The following KIAA1328 variants were observed in gnomAD, a reference collection of about 807,000 sequenced individuals.
KIAA1328 encodes protein hinderin.
A neutral mutation model predicts 68.1 loss-of-function variants in KIAA1328; 52 were observed. The ratio of observed to expected loss-of-function variants is 0.76; its 90% CI spans 0.61 to 0.96. The LOEUF is 0.96. KIAA1328 is among the 40% of genes least tolerant of loss of function. The probability of loss-of-function intolerance (pLI) is 0.00; values close to 1 mark genes in which losing one functional copy is unlikely to be tolerated. For missense variants in KIAA1328, 641 were observed against 677.6 expected, an observed-to-expected ratio of 0.95 and a Z score of 0.60; for synonymous variants, 232 against 239.4, an observed-to-expected ratio of 0.97 and a Z score of 0.28.
chr18:36,873,779 G>T (rs545260459), intron 4 of KIAA1328, among the ~76,000 whole-genome samples: 1 of 152,244 alleles, frequency 6.6e-6, no homozygotes, highest in Admixed American at 6.5e-5. Flanking sequence ...GTGGTGGTTT[G>T]CTGCACCCAT....
intron 5 of KIAA1328, among the ~76,000 whole-genome samples, chr18:36,934,523 AT>A (rs35421239): frequency 0.6 from 90,208 of 151,400 alleles, 28,685 homozygotes; most frequent in East Asian, 0.87. Context: ...ATGTGTTCTC[AT>A]TGTTCAATTC....
chr18:37,092,496 A>T (rs888566544), intron 7 of KIAA1328, among the ~76,000 whole-genome samples: 1 of 151,668 alleles, frequency 6.6e-6, no homozygotes, highest in Non-Finnish European at 1.5e-5. Flanking sequence ...GAGCCACCCC[A>T]CCTGCCACGA....
chr18:37,084,153 A>G, intron 7 of KIAA1328: 21 of 1,514,308 alleles, frequency 1.4e-5, no homozygotes, highest in Non-Finnish European at 1.8e-5. Context: ...GTTTAAGTCG[A>G]GAGAACTGGT....
chr18:37,155,730 A>G (rs1025953541), intron 7 of KIAA1328, among the ~76,000 whole-genome samples: 1 of 152,152 alleles, frequency 6.6e-6, no homozygotes, highest in Non-Finnish European at 1.5e-5. Flanking sequence ...GCCCCTCAGC[A>G]TGGAAAACGC....
intron 7 of KIAA1328, among the ~76,000 whole-genome samples, chr18:37,158,912 G>A (rs1299616723): frequency 1.3e-5 from 2 of 152,006 alleles, no homozygotes; most frequent in Non-Finnish European, 2.9e-5. Context: ...CCTCTGGGTT[G>A]ACGTAAATTT....
intron 5 of KIAA1328, among the ~76,000 whole-genome samples, chr18:36,952,638 C>A (rs2051208479): frequency 6.6e-6 from 1 of 152,162 alleles, no homozygotes; most frequent in South Asian, 2.1e-4. Flanking sequence ...TATGCGTTTA[C>A]TGAATCCACA....
At chr18:37,135,462 G>T (rs1344308040) in intron 7 of KIAA1328, among the ~76,000 whole-genome samples, 1 of 152,082 alleles carries the variant, frequency 6.6e-6, no homozygotes, top group Non-Finnish European at 1.5e-5. Flanking sequence ...GTGATACTGA[G>T]CATTTTTTCA....
chr18:36,965,477 C>G (rs1218292204), intron 6 of KIAA1328, among the ~76,000 whole-genome samples: 4 of 140,166 alleles, frequency 2.9e-5, no homozygotes, highest in African/African-American at 5.2e-5. Context: ...AACCCTGTCT[C>G]TACTAAAAAT....
At chr18:37,027,915 A>G (rs2054656124) in intron 6 of KIAA1328, among the ~76,000 whole-genome samples, 1 of 152,190 alleles carries the variant, frequency 6.6e-6, no homozygotes, top group Non-Finnish European at 1.5e-5. Context: ...AGAAACTACC[A>G]TCAGAGTGAA....
At chr18:36,934,181 A>C (rs999927286) in intron 5 of KIAA1328, among the ~76,000 whole-genome samples, 1 of 152,044 alleles carries the variant, frequency 6.6e-6, no homozygotes. Context: ...AGCATCTGAC[A>C]ACCCTGTGCA....
chr18:36,837,891 A>G (rs1411463943), intron 3 of KIAA1328, among the ~76,000 whole-genome samples: 3 of 152,138 alleles, frequency 2.0e-5, no homozygotes, highest in Non-Finnish European at 4.4e-5. Flanking sequence ...TCTGTTGACC[A>G]TAAGTGTAAG....
intron 6 of KIAA1328, among the ~76,000 whole-genome samples, chr18:36,971,277 A>G (rs543449955): frequency 2.0e-4 from 31 of 152,226 alleles, no homozygotes; most frequent in Non-Finnish European, 3.8e-4. Context: ...CCTTCCTTGC[A>G]CCTTATACAA....
chr18:37,134,264 G>C (rs1035344481), intron 7 of KIAA1328, among the ~76,000 whole-genome samples: 3 of 152,120 alleles, frequency 2.0e-5, no homozygotes, highest in Admixed American at 2.0e-4. Flanking sequence ...GCCATCCTCA[G>C]CCTCCTAAAG....
chr18:37,220,510 T>A (rs1459798690), intron 9 of KIAA1328, among the ~76,000 whole-genome samples: 1 of 152,232 alleles, frequency 6.6e-6, no homozygotes, highest in Non-Finnish European at 1.5e-5. Context: ...TAGCAGTTTT[T>A]AAAACCAGAG....
chr18:37,194,722 G>A (rs990181676), intron 9 of KIAA1328, among the ~76,000 whole-genome samples: 12 of 152,124 alleles, frequency 7.9e-5, no homozygotes, highest in Admixed American at 2.6e-4. Context: ...GTGCAGTGGC[G>A]GGATCTCGGC....
chr18:36,919,383 G>A (rs1348820453), intron 5 of KIAA1328, among the ~76,000 whole-genome samples: 10 of 152,034 alleles, frequency 6.6e-5, no homozygotes, highest in Non-Finnish European at 1.2e-4. Context: ...ATGGGGGTTG[G>A]TCTTGCTTTT....
chr18:37,222,447 T>C lies in KIAA1328; in HGVS notation c.*220T>C. The C allele has an allele frequency of 7.2e-7, 1 of 1,391,352 alleles. No individual in the cohort carries two copies. Among genetic ancestry groups the C allele is most frequent in the Non-Finnish European group, 9.3e-7 (1 of 1,074,608 alleles). The allele number at this position is 1,391,352 out of a possible 1,614,324, so 86.2% of individuals were successfully genotyped here. ...ACACTAAGGGGGTAGGAATGGAAGA[T>C]GGTATCTTTTATATGCTAAACAGAT... On this transcript the variant is annotated 3_prime_UTR_variant, in exon 10 of 10. Transcript: ENST00000280020.
chr18:36,831,473 T>C (rs1293302823), intron 1 of KIAA1328, among the ~76,000 whole-genome samples: 2 of 152,226 alleles, frequency 1.3e-5, no homozygotes, highest in Non-Finnish European at 2.9e-5. Context: ...TCAGTTTAAG[T>C]TGCCTTTGTC....
intron 6 of KIAA1328, among the ~76,000 whole-genome samples, chr18:37,030,716 G>C (rs2054789687): frequency 6.6e-6 from 1 of 151,884 alleles, no homozygotes; most frequent in African/African-American, 2.4e-5. Flanking sequence ...AAGTTCTAGG[G>C]TACATGTGCA....
Sources: gnomAD v4.1 joint callset for allele counts (sites outside exome capture counted in the v4.1 genomes callset) on GRCh38, gnomAD v4.1.1 for gene constraint, MANE v1.5 for transcripts, NCBI Gene and HGNC (gene_info 2026-07-23, HGNC 2026-07-21) for gene names.